MACC1: variants seen among roughly 807,000 people sequenced by gnomAD.
The protein encoded by MACC1 is metastasis-associated in colon cancer protein 1.
A neutral mutation model predicts 70.7 loss-of-function variants in MACC1; 79 were observed. The ratio of observed to expected loss-of-function variants is 1.12; its 90% confidence interval spans 0.93 to 1.35. MACC1 has a LOEUF of 1.35. MACC1 is among the 40% of genes most tolerant of loss of function. The pLI is 0.00. For synonymous variants in MACC1, 361 were observed against 347.2 expected, an observed-to-expected ratio of 1.04 and a Z score of -0.44; for missense variants, 1,106 against 978.1, an observed-to-expected ratio of 1.13 and a Z score of -1.74.
intron 1 of MACC1, among the ~76,000 whole-genome samples, chr7:20,186,923 T>A (rs1225973406): frequency 6.6e-6 from 1 of 152,134 alleles, no homozygotes; most frequent in Non-Finnish European, 1.5e-5. Flanking sequence ...AAGAAATAAC[T>A]TAAGACATGG....
chr7:20,208,720 G>A (rs1436790898), intron 1 of MACC1, among the ~76,000 whole-genome samples: 1 of 152,230 alleles, frequency 6.6e-6, no homozygotes, highest in East Asian at 1.9e-4. Context: ...AAGTAACGAG[G>A]AGCCAAATGT....
At chr7:20,206,414 T>G (rs1428710803) in intron 1 of MACC1, among the ~76,000 whole-genome samples, 1 of 152,122 alleles carries the variant, frequency 6.6e-6, no homozygotes, top group Non-Finnish European at 1.5e-5. Context: ...CTTCCCTTCT[T>G]GAGAAGTTCT....
intron 2 of MACC1, among the ~76,000 whole-genome samples, chr7:20,166,750 T>G (rs947907996): frequency 5.9e-5 from 9 of 152,202 alleles, no homozygotes; most frequent in African/African-American, 9.7e-5. Flanking sequence ...TCAAAACATT[T>G]CATCAATACG....
intron 6 of MACC1, among the ~76,000 whole-genome samples, chr7:20,142,924 G>C (rs1781827984): frequency 1.3e-5 from 2 of 152,210 alleles, no homozygotes; most frequent in African/African-American, 2.4e-5. Context: ...TAGTGATTGA[G>C]TCTGATAAAT....
chr7:20,203,943 C>G (rs1198950911), intron 1 of MACC1, among the ~76,000 whole-genome samples: 1 of 151,976 alleles, frequency 6.6e-6, no homozygotes, highest in Non-Finnish European at 1.5e-5. Flanking sequence ...GGGCTCATCA[C>G]TAAAATATAT....
intron 2 of MACC1, among the ~76,000 whole-genome samples, chr7:20,166,212 T>G (rs774994949): frequency 6.6e-6 from 1 of 152,216 alleles, no homozygotes. Context: ...ATCTATGTGA[T>G]AATAAAAACA....
rs1437970554 is a variant in MACC1, at chr7:20,137,943, A to C, written c.*3003T>G. 7 of 152,180 alleles carry C rather than the reference A, an allele frequency of 4.6e-5. No homozygotes were observed. 9.4% of individuals were successfully genotyped at this position (152,180 alleles called of 1,614,324 possible). A position where few individuals can be genotyped will look rare whatever the true frequency, so the allele number is the denominator to read the frequency against. Reference sequence around the variant, plus strand: ...CGAGGCAGGTGGATGACCTGAGGTCAGGAGTTCCAGACCAGTCTGGCCAAA... The same window carrying C: ...CGAGGCAGGTGGATGACCTGAGGTCCGGAGTTCCAGACCAGTCTGGCCAAA... On this transcript the variant is annotated 3_prime_UTR_variant, in exon 7 of 7. Coordinates refer to ENST00000400331, the MANE Select transcript of MACC1 (RefSeq NM_182762.4).
At chr7:20,144,508 AT>A (rs1313091973) in intron 6 of MACC1, among the ~76,000 whole-genome samples, 1 of 152,128 alleles carries the variant, frequency 6.6e-6, no homozygotes, top group Non-Finnish European at 1.5e-5. Context: ...TCAGCTTGGA[AT>A]TTTTTTAATC....
At chr7:20,198,934 CTG>C (rs1380465391) in intron 1 of MACC1, among the ~76,000 whole-genome samples, 1 of 152,150 alleles carries the variant, frequency 6.6e-6, no homozygotes, top group Non-Finnish European at 1.5e-5. Context: ...GGTGCTGAGA[CTG>C]TGCAGAGAGA....
chr7:20,193,427 A>C (rs1429532897), intron 1 of MACC1, among the ~76,000 whole-genome samples: 1 of 152,236 alleles, frequency 6.6e-6, no homozygotes, highest in East Asian at 1.9e-4. Flanking sequence ...ATTACAGATA[A>C]AACTTGGAAG....
chr7:20,164,862 TA>T (rs1251850182), intron 2 of MACC1, among the ~76,000 whole-genome samples: 1 of 149,272 alleles, frequency 6.7e-6, no homozygotes, highest in Non-Finnish European at 1.5e-5. Context: ...AATATATTCT[TA>T]AAAAATCAAC....
chr7:20,184,368 C>A (rs1275739578), intron 1 of MACC1, among the ~76,000 whole-genome samples: 1 of 152,216 alleles, frequency 6.6e-6, no homozygotes, highest in Non-Finnish European at 1.5e-5. Flanking sequence ...ACAAAGAATA[C>A]ACCAAATCTT....
At chr7:20,173,810 C>T (rs1268880727) in intron 1 of MACC1, among the ~76,000 whole-genome samples, 1 of 152,128 alleles carries the variant, frequency 6.6e-6, no homozygotes, top group African/African-American at 2.4e-5. Context: ...TGGCTGGGGT[C>T]ACTGAGATTG....
chr7:20,190,802 G>T (rs973473442), intron 1 of MACC1, among the ~76,000 whole-genome samples: 2 of 152,196 alleles, frequency 1.3e-5, no homozygotes, highest in African/African-American at 4.8e-5. Context: ...TGTGACTTCA[G>T]CTGTTATAAA....
At chr7:20,196,670 T>C (rs1782759875) in intron 1 of MACC1, among the ~76,000 whole-genome samples, 1 of 152,060 alleles carries the variant, frequency 6.6e-6, no homozygotes, top group African/African-American at 2.4e-5. Context: ...TTATCATTAA[T>C]TGTCATAGAA....
intron 1 of MACC1, among the ~76,000 whole-genome samples, chr7:20,186,827 C>G (rs1345729178): frequency 6.6e-6 from 1 of 152,100 alleles, no homozygotes; most frequent in Admixed American, 6.5e-5. Context: ...ATAAAACATC[C>G]TTCACTGGAA....
intron 1 of MACC1, among the ~76,000 whole-genome samples, chr7:20,182,030 T>C (rs1025299267): frequency 6.6e-6 from 1 of 151,946 alleles, no homozygotes; most frequent in Non-Finnish European, 1.5e-5. Flanking sequence ...GATGAGTTCA[T>C]GTCCTTTGTA....
At chr7:20,148,064 G>A (rs1781920574) in intron 6 of MACC1, among the ~76,000 whole-genome samples, 1 of 152,168 alleles carries the variant, frequency 6.6e-6, no homozygotes, top group African/African-American at 2.4e-5. Context: ...TCTGGATTTA[G>A]CGGCACACAT....
At chr7:20,207,342 G>A (rs189350239) in intron 1 of MACC1, among the ~76,000 whole-genome samples, 10 of 151,606 alleles carry the variant, frequency 6.6e-5, no homozygotes, top group African/African-American at 2.2e-4. Flanking sequence ...AGTAGAGACG[G>A]GGTTTCACCA....
Sources: gnomAD v4.1 joint callset for allele counts (sites outside exome capture counted in the v4.1 genomes callset) on GRCh38, gnomAD v4.1.1 for gene constraint, MANE v1.5 for transcripts, NCBI Gene and HGNC (gene_info 2026-07-23, HGNC 2026-07-21) for gene names.